Variants in LRP2 observed in about 807,000 individuals in gnomAD.
LRP2 encodes the protein LDL receptor related protein 2.
A neutral mutation model predicts 531.0 loss-of-function variants in LRP2; 172 were observed. The ratio of observed to expected loss-of-function variants is 0.32; its 90% CI spans 0.29 to 0.37. The LOEUF is 0.37. Ranked by LOEUF, LRP2 falls within the 10% of genes least tolerant of loss-of-function variation. The probability of loss-of-function intolerance (pLI) is 1.00; values close to 1 mark genes in which losing one functional copy is unlikely to be tolerated. For synonymous variants in LRP2, 1,992 were observed against 2,027.6 expected, an observed-to-expected ratio of 0.98 and a Z score of 0.47; for missense variants, 5,167 against 5,868.3, an observed-to-expected ratio of 0.88 and a Z score of 3.90.
At chr2:169,243,174 A>C in intron 23 of LRP2, 102 bp from the exon 24 acceptor site, 1 of 1,028,262 alleles carries the variant, frequency 9.7e-7, no homozygotes, top group Non-Finnish European at 1.5e-6. Context: ...TCTGGAGTAC[A>C]TATGCAGAAC....
chr2:169,150,779 C>G, intron 68 of LRP2, 119 bp downstream of exon 68: 1 of 1,227,676 alleles, frequency 8.1e-7, no homozygotes, highest in Non-Finnish European at 1.2e-6. Context: ...AGACGCTACT[C>G]CCAAAAACTT....
intron 42 of LRP2, 108 bp from the exon 43 acceptor site, chr2:169,203,067 G>A: frequency 2.3e-6 from 2 of 874,878 alleles, no homozygotes; most frequent in East Asian, 5.1e-5. Context: ...TGCTCCCTAA[G>A]AAGCGCCATG....
chr2:169,332,426 A>G (rs1685291844), intron 1 of LRP2, among the ~76,000 whole-genome samples: 1 of 152,232 alleles, frequency 6.6e-6, no homozygotes, highest in African/African-American at 2.4e-5. Flanking sequence ...ACAGAGAAAA[A>G]GAGGGCAGAA....
chr2:169,152,809 A>G lies in LRP2; in HGVS notation c.12451T>C (p.Trp4151Arg). Residue 4151 changes from tryptophan to arginine, a missense_variant, in exon 67 of 79, where the codon TGG (tryptophan) becomes CGG (arginine). Physicochemically the swap from Trp to Arg is moderately radical, Grantham distance 101 (BLOSUM62 -3). This residue lies in a region of LRP2 where 564 missense variants were observed against 747.7 expected (regional missense o/e 0.75). Coordinates refer to ENST00000649046, the MANE Select transcript of LRP2 (RefSeq NM_004525.3). ...VMQPDGIAVD[W>R]VGRHIYWSDV... is the part of the protein sequence containing the mutation. The stretch of plus-strand genomic sequence containing the variant: ...GTATGGCAAATTTACCTTCCAACCC[A>G]GTCCACTGCTATTCCATCTGGCTGC... 1 of 1,614,066 alleles carries G rather than the reference A, an allele frequency of 6.2e-7. No individual in the cohort carries two copies.
In LRP2 at chr2:169,157,957, T is replaced by TAAAAAAA. The variant is rs60891675; in HGVS notation, c.11888-456_11888-455insTTTTTTT. 7.2e-4 allele frequency among the ~76,000 whole-genome samples: 105 copies of TAAAAAAA among 146,066 alleles called. 1 individual carries two copies. In the East Asian group the frequency reaches 0.02, roughly 27 times the overall value. ...ATAAATAAATAAATAAATAAATAAA[T>TAAAAAAA]AAAAGACATGGATACAGATAGGTTA... On this transcript the variant is annotated intron_variant, in intron 63 of 78. Coordinates refer to ENST00000649046, the MANE Select transcript of LRP2 (RefSeq NM_004525.3).
At chr2:169,331,444 GT>G (rs931232236) in intron 1 of LRP2, among the ~76,000 whole-genome samples, 26 of 152,240 alleles carry the variant, frequency 1.7e-4, no homozygotes, top group African/African-American at 5.8e-4. Flanking sequence ...AGTCTTTTCT[GT>G]GCTCCCCCTG....
intron 8 of LRP2, 30 bp downstream of exon 8, chr2:169,290,814 GA>G: frequency 6.2e-7 from 1 of 1,610,754 alleles, no homozygotes; most frequent in South Asian, 1.1e-5. Flanking sequence ...ATCTTTATCT[GA>G]AAGCTACCCA....
intron 16 of LRP2, among the ~76,000 whole-genome samples, chr2:169,262,763 A>G (rs1690618906): frequency 6.6e-6 from 1 of 151,138 alleles, no homozygotes; most frequent in African/African-American, 2.4e-5. Context: ...CTCATATGGA[A>G]CCAAAAAAGA....
Position 169,139,598 on chromosome 2 carries a change from G to A in LRP2, c.13212C>T (p.Gly4404=). The change falls in exon 73 of 79, where the codon GGC becomes GGT. Residue 4404 remains glycine (G), a synonymous_variant. Coordinates refer to ENST00000649046, the MANE Select transcript of LRP2 (RefSeq NM_004525.3). ...CCATTTCACAATATTTTCCGGTGTA[G>A]CCGCTAGGACACCTGAAAGGAAAAA... ...TDLPKCKCPS[G]YTGKYCEMAF... is the part of the protein sequence containing the mutation. 6.2e-7 allele frequency: 1 copy of A among 1,614,172 alleles called. No homozygotes were observed. The highest frequency in any genetic ancestry group is 8.5e-7 in the Non-Finnish European group (1 of 1,180,012).
At chr2:169,306,660 T>C (rs890279151) in intron 4 of LRP2, among the ~76,000 whole-genome samples, 2 of 152,182 alleles carry the variant, frequency 1.3e-5, no homozygotes, top group Non-Finnish European at 2.9e-5. Flanking sequence ...AACACTTCTA[T>C]ATAAGCCTCG....
At chr2:169,158,317 G>A (rs563841750) in intron 63 of LRP2, among the ~76,000 whole-genome samples, 17 of 151,334 alleles carry the variant, frequency 1.1e-4, no homozygotes, top group South Asian at 4.2e-4. Flanking sequence ...TATAATTTAC[G>A]TTTAAGGATT....
At chr2:169,186,392 C>T (rs1381124881) in intron 49 of LRP2, among the ~76,000 whole-genome samples, 1 of 152,296 alleles carries the variant, frequency 6.6e-6, no homozygotes, top group East Asian at 1.9e-4. Flanking sequence ...TGTGACATCA[C>T]TGAACATGGA....
intron 75 of LRP2, 100 bp from the exon 76 acceptor site, chr2:169,137,593 C>G (rs1685562367): frequency 1.3e-6 from 1 of 749,770 alleles, no homozygotes; most frequent in Non-Finnish European, 2.4e-6. Context: ...AGGTGCCTTC[C>G]TCACACCTGG....
At chr2:169,224,296 C>T (rs573911004) in intron 33 of LRP2, among the ~76,000 whole-genome samples, 1 of 152,306 alleles carries the variant, frequency 6.6e-6, no homozygotes, top group East Asian at 1.9e-4. Flanking sequence ...TGGGAAGTTT[C>T]ACTTTCAAAA....
chr2:169,228,985 C>T (rs1476859942), intron 31 of LRP2, among the ~76,000 whole-genome samples: 1 of 152,176 alleles, frequency 6.6e-6, no homozygotes, highest in Non-Finnish European at 1.5e-5. Flanking sequence ...TATTGGAGAG[C>T]TTGTCATTCA....
At chr2:169,291,112 A>G in intron 7 of LRP2, 115 bp from the exon 8 acceptor site, 1 of 889,356 alleles carries the variant, frequency 1.1e-6, no homozygotes, top group Non-Finnish European at 1.8e-6. Flanking sequence ...TCTATAAATG[A>G]TCTACATTTT....
intron 61 of LRP2, among the ~76,000 whole-genome samples, chr2:169,167,358 T>C (rs1409799513): frequency 6.6e-6 from 1 of 152,150 alleles, no homozygotes; most frequent in East Asian, 1.9e-4. Flanking sequence ...GGGCTAAAAA[T>C]GAGTAGTGAT....
chr2:169,280,634 C>A lies in LRP2; in HGVS notation c.1172-115G>T, dbSNP rs535282750. On this transcript the variant is annotated intron_variant, in intron 10 of 78. Coordinates refer to ENST00000649046, the MANE Select transcript of LRP2 (RefSeq NM_004525.3). Reference sequence around the variant, plus strand: ...AATGCTATCTTCTAGGTTGTCTTACCTGATTTTAACATAAACCTCTGAGGC... The same window carrying A: ...AATGCTATCTTCTAGGTTGTCTTACATGATTTTAACATAAACCTCTGAGGC... 4 of 1,048,594 alleles carry A rather than the reference C, an allele frequency of 3.8e-6. No individual in the cohort carries two copies. In the African/African-American group the frequency reaches 4.7e-5, roughly 12 times the overall value. The allele number at this position is 1,048,594 out of a possible 1,614,324, so 65.0% of individuals were successfully genotyped here. A position where few individuals can be genotyped will look rare whatever the true frequency, so the allele number is the denominator to read the frequency against.
intron 29 of LRP2, among the ~76,000 whole-genome samples, chr2:169,235,533 C>T (rs1323833896): frequency 6.6e-6 from 1 of 152,152 alleles, no homozygotes; most frequent in African/African-American, 2.4e-5. Flanking sequence ...GCCACCGCGC[C>T]CGGCCACCTG....
Sources: allele counts gnomAD v4.1 joint callset (sites outside exome capture counted in the v4.1 genomes callset), GRCh38; gene constraint gnomAD v4.1.1; regional missense constraint gnomAD v4.1.1; transcripts MANE v1.5; gene names NCBI Gene and HGNC (gene_info 2026-07-23, HGNC 2026-07-21).